The following UGT1A7 variants were observed in gnomAD, a reference collection of about 807,000 sequenced individuals.
The protein encoded by UGT1A7 is UDP-glucuronosyltransferase 1A7.
A neutral mutation model predicts 45.6 loss-of-function variants in UGT1A7; 33 were observed. The observed-to-expected ratio is 0.72, with a 90% CI of 0.55 to 0.97. The LOEUF (loss-of-function observed/expected upper bound fraction) is 0.97, where lower values mean the gene tolerates loss of function less well. Ranked by LOEUF, UGT1A7 falls within the 50% of genes least tolerant of loss-of-function variation. The probability of loss-of-function intolerance (pLI) is 0.00; values close to 1 mark genes in which losing one functional copy is unlikely to be tolerated. For synonymous variants in UGT1A7, 274 were observed against 250.6 expected, an observed-to-expected ratio of 1.09 and a Z score of -0.88; for missense variants, 684 against 666.2, an observed-to-expected ratio of 1.03 and a Z score of -0.29.
At chr2:233,697,250 C>T (rs1170124115) in intron 1 of UGT1A7, among the ~76,000 whole-genome samples, 1 of 152,006 alleles carries the variant, frequency 6.6e-6, no homozygotes, top group African/African-American at 2.4e-5. Flanking sequence ...CTGCTTCAAT[C>T]TTGTTACTTA....
intron 1 of UGT1A7, among the ~76,000 whole-genome samples, chr2:233,724,309 C>T (rs1481957391): frequency 1.9e-4 from 27 of 145,654 alleles, no homozygotes; most frequent in East Asian, 8.6e-4. Flanking sequence ...ACCTCCCTCC[C>T]GGACGGGGCG....
chr2:233,705,256 A>G (rs995446816), intron 1 of UGT1A7, among the ~76,000 whole-genome samples: 2 of 152,108 alleles, frequency 1.3e-5, no homozygotes, highest in Non-Finnish European at 2.9e-5. Flanking sequence ...AGATTATTCT[A>G]TGGGGTCACT....
At position 233,719,685 on chromosome 2, in the gene UGT1A7, C is replaced by T. The variant is rs745851656; in HGVS notation, c.855+36893C>T. 4.3e-6 allele frequency: 7 copies of T among 1,613,938 alleles called. No homozygotes were observed. The South Asian group carries it at 6.6e-5, about 15-fold the overall frequency. Reference sequence around the variant, plus strand: ...CTGTGCCAACGGGAAGCCACTATCTCAGGTCTGTATTGGTGCCTTCATCCA... The same window carrying T: ...CTGTGCCAACGGGAAGCCACTATCTTAGGTCTGTATTGGTGCCTTCATCCA... On this transcript the variant is annotated intron_variant, in intron 1 of 4. Transcript: ENST00000373426.
At chr2:233,767,305 G>T (rs907806050) in intron 2 of UGT1A7, 140 bp downstream of exon 2, 20 of 1,519,058 alleles carry the variant, frequency 1.3e-5, no homozygotes, top group Non-Finnish European at 1.7e-5. Context: ...TAATCCAAAG[G>T]TTTTTTTTGT....
intron 1 of UGT1A7, among the ~76,000 whole-genome samples, chr2:233,763,590 A>T (rs772976697): frequency 6.6e-6 from 1 of 152,156 alleles, no homozygotes; most frequent in East Asian, 1.9e-4. Context: ...TTCCTTTGTT[A>T]ACTAAAAATG....
chr2:233,713,711 G>T (rs1407251042), intron 1 of UGT1A7: 1 of 1,613,928 alleles, frequency 6.2e-7, no homozygotes, highest in East Asian at 2.2e-5. Context: ...AGCTTTTTCA[G>T]AGAGAGGTGT....
At chr2:233,743,665 C>A (rs1373066127) in intron 1 of UGT1A7, 1 of 1,367,124 alleles carries the variant, frequency 7.3e-7, no homozygotes, top group Non-Finnish European at 9.8e-7. Flanking sequence ...CGAAGGGGTC[C>A]TCGAAGGGCC....
At chr2:233,725,966 G>A (rs1413354611) in intron 1 of UGT1A7, among the ~76,000 whole-genome samples, 1 of 152,090 alleles carries the variant, frequency 6.6e-6, no homozygotes, top group Non-Finnish European at 1.5e-5. Context: ...AGGAGTCTGA[G>A]AGCAGCCTGG....
Position 233,760,797 on chromosome 2 carries a change from C to A in UGT1A7, c.856-6237C>A, listed in dbSNP as rs780028785. 1.9e-6 allele frequency: 3 copies of A among 1,613,492 alleles called. No individual in the cohort carries two copies. The highest frequency in any genetic ancestry group is 1.1e-5 in the South Asian group (1 of 91,076). The stretch of plus-strand genomic sequence containing the variant: ...AGTACCTGTCTCTGCCCACTGTATT[C>A]TTCTTGCATGCACTGCCATGCAGCC... On this transcript the variant is annotated intron_variant, in intron 1 of 4. Coordinates refer to ENST00000373426, the MANE Select transcript of UGT1A7 (RefSeq NM_019077.3).
intron 1 of UGT1A7, chr2:233,742,665 A>C (rs1692062657): frequency 6.6e-6 from 1 of 152,140 alleles, no homozygotes; most frequent in Non-Finnish European, 1.5e-5. Flanking sequence ...ATGTAACCCC[A>C]AGGTTTGTCC....
At chr2:233,728,395 C>G (rs989594953) in intron 1 of UGT1A7, among the ~76,000 whole-genome samples, 1 of 152,120 alleles carries the variant, frequency 6.6e-6, no homozygotes, top group Non-Finnish European at 1.5e-5. Flanking sequence ...GTTGTCTTGC[C>G]CATGTGTGCT....
chr2:233,710,959 TG>T (rs2076155501), intron 1 of UGT1A7, among the ~76,000 whole-genome samples: 1 of 152,232 alleles, frequency 6.6e-6, no homozygotes, highest in Non-Finnish European at 1.5e-5. Context: ...TCTCTGAGAT[TG>T]GCAGAGGGGA....
At chr2:233,740,532 G>A (rs1691412660) in intron 1 of UGT1A7, among the ~76,000 whole-genome samples, 1 of 151,892 alleles carries the variant, frequency 6.6e-6, no homozygotes. Context: ...AATCAGCTGT[G>A]TTGAACTCCA....
At chr2:233,695,891 A>G (rs1183096724) in intron 1 of UGT1A7, among the ~76,000 whole-genome samples, 1 of 152,212 alleles carries the variant, frequency 6.6e-6, no homozygotes, top group African/African-American at 2.4e-5. Context: ...TTCAGTGAAC[A>G]AATGTGTGGG....
intron 1 of UGT1A7, among the ~76,000 whole-genome samples, chr2:233,757,479 A>G (rs1206962025): frequency 6.1e-5 from 9 of 148,148 alleles, no homozygotes; most frequent in African/African-American, 1.5e-4. Context: ...CTCCAAAACC[A>G]TGGACTGGCA....
intron 1 of UGT1A7, among the ~76,000 whole-genome samples, chr2:233,740,501 G>A (rs1478436482): frequency 6.6e-6 from 1 of 151,910 alleles, no homozygotes; most frequent in Non-Finnish European, 1.5e-5. Context: ...GCTTTCCAGT[G>A]TGTGATGTAA....
chr2:233,707,940 T>C (rs1388971917), intron 1 of UGT1A7, among the ~76,000 whole-genome samples: 2 of 152,248 alleles, frequency 1.3e-5, no homozygotes, highest in Non-Finnish European at 2.9e-5. Context: ...TATCAGTCAT[T>C]TGGATTTCCT....
intron 1 of UGT1A7, chr2:233,690,986 G>A (rs2075024139): frequency 1.0e-6 from 1 of 994,958 alleles, no homozygotes; most frequent in Admixed American, 5.8e-5. Context: ...ACCCACATAT[G>A]AGCAACAGGA....
In UGT1A7 at chr2:233,767,540, C is replaced by T. The variant is rs570115667; in HGVS notation, c.988-309C>T. Among the ~76,000 whole-genome samples the T allele has an allele frequency of 2.0e-5, 3 of 152,348 alleles. No homozygotes were observed. In the East Asian group the frequency reaches 5.8e-4, roughly 29 times the overall value. On this transcript the variant is annotated intron_variant, in intron 2 of 4. Transcript: ENST00000373426. ...TGAATTTATGTCTTACATTTCTGCT[C>T]TTATAGTTCTGCATCCACTTGTTTC...
Sources: gnomAD v4.1 joint callset for allele counts (sites outside exome capture counted in the v4.1 genomes callset) on GRCh38, gnomAD v4.1.1 for gene constraint, MANE v1.5 for transcripts, NCBI Gene and HGNC (gene_info 2026-07-23, HGNC 2026-07-21) for gene names.